CNTN5: variants seen among roughly 807,000 people sequenced by gnomAD.
The protein encoded by CNTN5 is contactin 5, also known as contactin-5.
In CNTN5, 77 loss-of-function variants were observed where a neutral mutation model predicts 129.1. The observed-to-expected ratio is 0.60, with a 90% CI of 0.50 to 0.72. The LOEUF is 0.72. Among genes scored for constraint, CNTN5 ranks in the 30% least tolerant of loss-of-function variants. The probability of loss-of-function intolerance (pLI) is 0.00; values close to 1 mark genes in which losing one functional copy is unlikely to be tolerated. For synonymous variants in CNTN5, 509 were observed against 465.6 expected (o/e 1.09, Z -1.20); for missense variants, 1,478 against 1,328.8 (o/e 1.11, Z -1.75).
At chr11:100,317,537 ACT>A (rs893637904) in intron 21 of CNTN5, among the ~76,000 whole-genome samples, 37 of 152,244 alleles carry the variant, frequency 2.4e-4, no homozygotes, top group African/African-American at 7.7e-4. Context: ...AATTCTGAGG[ACT>A]CTCATTTAAA....
At chr11:100,092,655 C>A (rs1276395465) in intron 13 of CNTN5, among the ~76,000 whole-genome samples, 1 of 152,106 alleles carries the variant, frequency 6.6e-6, no homozygotes, top group Non-Finnish European at 1.5e-5. Context: ...AGGTGGCACA[C>A]CACATTAAAG....
intron 13 of CNTN5, among the ~76,000 whole-genome samples, chr11:100,081,988 A>G (rs1473293353): frequency 1.3e-5 from 2 of 152,208 alleles, no homozygotes; most frequent in Non-Finnish European, 2.9e-5. Context: ...TAGACATAGG[A>G]GTACAAGAGA....
intron 3 of CNTN5, among the ~76,000 whole-genome samples, chr11:99,680,078 A>C (rs565383381): frequency 6.6e-6 from 1 of 152,212 alleles, no homozygotes; most frequent in Non-Finnish European, 1.5e-5. Flanking sequence ...GTTGATTCAT[A>C]AGGTTTAAAG....
At chr11:100,133,528 T>G (rs1469031129) in intron 13 of CNTN5, among the ~76,000 whole-genome samples, 2 of 152,258 alleles carry the variant, frequency 1.3e-5, no homozygotes, top group East Asian at 1.9e-4. Flanking sequence ...AAAGAAAATA[T>G]AATTATAGTT....
intron 1 of CNTN5, among the ~76,000 whole-genome samples, chr11:99,255,720 T>C (rs933488701): frequency 3.3e-5 from 5 of 151,372 alleles, no homozygotes; most frequent in African/African-American, 9.7e-5. Context: ...TTTTACAAAA[T>C]AAAAATATGG....
intron 1 of CNTN5, among the ~76,000 whole-genome samples, chr11:99,132,705 A>G (rs972595284): frequency 2.6e-5 from 4 of 152,180 alleles, no homozygotes; most frequent in African/African-American, 9.7e-5. Flanking sequence ...AAGGGAAATG[A>G]AGGACCTCTT....
intron 1 of CNTN5, among the ~76,000 whole-genome samples, chr11:99,217,231 GA>G (rs1019607145): frequency 1.3e-5 from 2 of 149,600 alleles, no homozygotes; most frequent in African/African-American, 2.5e-5. Flanking sequence ...AGCTCAATAG[GA>G]AAAAAACAAA....
chr11:99,816,637 G>T (rs571002796), intron 3 of CNTN5, among the ~76,000 whole-genome samples: 4 of 152,098 alleles, frequency 2.6e-5, no homozygotes, highest in Admixed American at 6.5e-5. Context: ...CTATATTACA[G>T]CTTTAGACCC....
chr11:99,984,141 G>C (rs1938525558), intron 8 of CNTN5, among the ~76,000 whole-genome samples: 1 of 152,056 alleles, frequency 6.6e-6, no homozygotes, highest in South Asian at 2.1e-4. Context: ...GCTGGGCATG[G>C]TGGTACATGC....
At chr11:99,929,991 C>A (rs571301607) in intron 7 of CNTN5, among the ~76,000 whole-genome samples, 1 of 152,172 alleles carries the variant, frequency 6.6e-6, no homozygotes, top group African/African-American at 2.4e-5. Context: ...CTCGCCTGAT[C>A]CTTAGCTCAG....
chr11:99,172,753 C>T (rs770962847), intron 1 of CNTN5, among the ~76,000 whole-genome samples: 4 of 152,134 alleles, frequency 2.6e-5, no homozygotes, highest in Non-Finnish European at 5.9e-5. Context: ...AGAAATCTGT[C>T]CTAGTTGGGG....
chr11:100,093,853 T>C (rs1944889639), intron 13 of CNTN5, among the ~76,000 whole-genome samples: 1 of 152,070 alleles, frequency 6.6e-6, no homozygotes, highest in Non-Finnish European at 1.5e-5. Flanking sequence ...GAAGTTCTAT[T>C]AGTGCCTAAG....
intron 6 of CNTN5, among the ~76,000 whole-genome samples, chr11:99,914,164 G>A (rs1406641537): frequency 6.6e-6 from 1 of 152,048 alleles, no homozygotes; most frequent in African/African-American, 2.4e-5. Context: ...TTGACCCCAG[G>A]ATTTACAGAC....
intron 1 of CNTN5, among the ~76,000 whole-genome samples, chr11:99,259,023 A>G (rs1020551973): frequency 1.3e-5 from 2 of 151,786 alleles, no homozygotes; most frequent in East Asian, 1.9e-4. Context: ...GGCAAAGTAT[A>G]GTATTATTTT....
intron 2 of CNTN5, among the ~76,000 whole-genome samples, chr11:99,545,357 A>G (rs1175300780): frequency 1.3e-5 from 2 of 152,174 alleles, no homozygotes; most frequent in Non-Finnish European, 2.9e-5. Context: ...TCAAAATGCC[A>G]ATTTTTCCAA....
chr11:99,660,078 T>C (rs1055927538), intron 3 of CNTN5, among the ~76,000 whole-genome samples: 1 of 152,094 alleles, frequency 6.6e-6, no homozygotes, highest in African/African-American at 2.4e-5. Context: ...CTTCATTTTA[T>C]ATAGAAAATT....
At chr11:99,262,253 C>A (rs1862667602) in intron 1 of CNTN5, among the ~76,000 whole-genome samples, 1 of 151,960 alleles carries the variant, frequency 6.6e-6, no homozygotes, top group South Asian at 2.1e-4. Context: ...TAAAAACAGA[C>A]CTTACTCAGA....
At chr11:99,550,856 A>C (rs1263057438) in intron 2 of CNTN5, among the ~76,000 whole-genome samples, 1 of 152,162 alleles carries the variant, frequency 6.6e-6, no homozygotes, top group Admixed American at 6.6e-5. Flanking sequence ...CTAGTTATAT[A>C]AGTTGTCCAT....
intron 6 of CNTN5, among the ~76,000 whole-genome samples, chr11:99,872,892 A>G (rs752283272): frequency 7.2e-5 from 11 of 152,150 alleles, no homozygotes; most frequent in Non-Finnish European, 1.2e-4. Flanking sequence ...TAAATCATCT[A>G]AAAAATAAGA....
Sources: allele counts gnomAD v4.1 joint callset (sites outside exome capture counted in the v4.1 genomes callset), GRCh38; gene constraint gnomAD v4.1.1; transcripts MANE v1.5; gene names NCBI Gene and HGNC (gene_info 2026-07-23, HGNC 2026-07-21).